The following AK6 variants were observed in gnomAD, a reference collection of about 807,000 sequenced individuals.
AK6 encodes the protein adenylate kinase isoenzyme 6.
AK6 carries 24 observed loss-of-function variants against 23.7 expected under a neutral mutation model. That is an observed-to-expected ratio of 1.01 (90% confidence interval 0.73 to 1.43). The LOEUF (loss-of-function observed/expected upper bound fraction) is 1.43. AK6 is among the 40% of genes most tolerant of loss of function. AK6 has a pLI of 0.00. For synonymous variants in AK6, 73 were observed against 69.8 expected (o/e 1.05, Z -0.23); for missense variants, 191 against 199.1 (o/e 0.96, Z 0.24).
rs371752500 is a variant in AK6 at position 69,355,944 on chromosome 5, T to C, written c.131A>G (p.Tyr44Cys). The C allele has an allele frequency of 6.9e-6, 11 of 1,605,068 alleles. No individual in the cohort carries two copies. Among genetic ancestry groups the C allele is most frequent in the Non-Finnish European group, 8.5e-6 (10 of 1,177,652 alleles). ...GTCATACTCTTCATCATAGCCATCA[T>C]ACAATTGCTCTAAAAGAGATTTAGA... ...VGDLAREEQL[Y>C]DGYDEEYDCP... Residue 44 changes from tyrosine to cysteine, a missense_variant, in exon 3 of 5, where the codon TAT (tyrosine) becomes TGT (cysteine). Transcript: ENST00000380822.
chr5:69,355,557 AAAC>A lies in AK6; in HGVS notation c.326+89_326+91del, dbSNP rs982931178. 22 of 1,357,930 alleles carry A rather than the reference AAAC, an allele frequency of 1.6e-5. No individual in the cohort carries two copies. In the African/African-American group the frequency reaches 2.4e-4, roughly 15 times the overall value. The allele number at this position is 1,357,930 out of a possible 1,614,324, so 84.1% of individuals were successfully genotyped here. On this transcript the variant is annotated intron_variant, in intron 4 of 4. Transcript: ENST00000380822. Reference sequence around the variant, plus strand: ...AAAACAAAACAAAACAAAACAAAACAAACAACAACAATCTTTTATCATGGCCAA... The same window carrying A: ...AAAACAAAACAAAACAAAACAAAACAAACAACAATCTTTTATCATGGCCAA...
chr5:69,360,919 A>G (rs987521600), intron 2 of AK6, among the ~76,000 whole-genome samples: 2 of 152,202 alleles, frequency 1.3e-5, no homozygotes, highest in African/African-American at 4.8e-5. Flanking sequence ...AAGCCAAGCT[A>G]TGCTTTACAA....
chr5:69,363,924 C>T (rs1580316183), intron 2 of AK6, among the ~76,000 whole-genome samples: 1 of 151,842 alleles, frequency 6.6e-6, no homozygotes, highest in African/African-American at 2.4e-5. Context: ...CCCATCTCTA[C>T]TAAAAATATA....
chr5:69,363,053 C>G (rs1762283675), intron 2 of AK6, among the ~76,000 whole-genome samples: 1 of 151,954 alleles, frequency 6.6e-6, no homozygotes, highest in Non-Finnish European at 1.5e-5. Flanking sequence ...AAAGCCAGAC[C>G]CTGTCTCTGC....
intron 1 of AK6, chr5:69,367,985 T>G (rs539032576): frequency 6.6e-6 from 1 of 152,338 alleles, no homozygotes; most frequent in East Asian, 1.9e-4. Context: ...GCCAACATAA[T>G]GAGACTCTGT....
At chr5:69,353,979 C>T (rs1001206108) in intron 4 of AK6, among the ~76,000 whole-genome samples, 14 of 152,074 alleles carry the variant, frequency 9.2e-5, no homozygotes, top group African/African-American at 3.4e-4. Flanking sequence ...CTATGTTGCC[C>T]AGGCTGGTCT....
upstream of AK6, chr5:69,369,626 C>T (rs940166407): frequency 7.0e-6 from 11 of 1,570,408 alleles, no homozygotes; most frequent in African/African-American, 1.2e-4. Context: ...CCTAGCCTGC[C>T]CCGGCGGCCC....
chr5:69,353,576 G>A (rs144990775), intron 4 of AK6, among the ~76,000 whole-genome samples: 236 of 152,186 alleles, frequency 1.6e-3, no homozygotes, highest in African/African-American at 5.3e-3. Context: ...AATTACAGGC[G>A]TGAGCCACCG....
intron 2 of AK6, among the ~76,000 whole-genome samples, chr5:69,356,161 T>C (rs1202750453): frequency 6.6e-6 from 1 of 152,164 alleles, no homozygotes; most frequent in African/African-American, 2.4e-5. Flanking sequence ...AGAGGGAAAC[T>C]TGGATTGCAA....
chr5:69,364,146 T>A (rs910052994), intron 2 of AK6, among the ~76,000 whole-genome samples: 1 of 151,968 alleles, frequency 6.6e-6, no homozygotes, highest in African/African-American at 2.4e-5. Context: ...AATAAAAATC[T>A]AGGTTTTAGA....
intron 2 of AK6, chr5:69,365,693 A>G: frequency 6.3e-7 from 1 of 1,590,538 alleles, no homozygotes; most frequent in Non-Finnish European, 8.6e-7. Context: ...TCATCTGTGC[A>G]TCTTTCGGCA....
rs370259396 is a variant in AK6 at position 69,352,253 on chromosome 5, C to T, written c.327G>A (p.Arg109=). 59 of 1,604,336 alleles carry T rather than the reference C, an allele frequency of 3.7e-5. No homozygotes were observed. In the African/African-American group the frequency reaches 7.6e-4, roughly 21 times the overall value. The change falls in exon 5 of 5, where the codon AGG becomes AGA. Residue 109 remains arginine (R), a splice_region_variant and synonymous_variant. Coordinates refer to ENST00000380822, the MANE Select transcript of AK6 (RefSeq NM_016283.5). The part of the protein sequence containing the change: ...TNVLYERLET[R]GYNEKKLTDN... The stretch of plus-strand genomic sequence containing the variant: ...CTGTTAGTTTCTTCTCATTATAACC[C>T]CTAGAAGGCAGGGAGGTTAAGCAAA...
At position 69,365,821 on chromosome 5, in the gene AK6, T is replaced by C. The variant is rs1762397284; in HGVS notation, c.121+682A>G. On this transcript the variant is annotated intron_variant, in intron 2 of 4. Coordinates refer to ENST00000380822, the MANE Select transcript of AK6 (RefSeq NM_016283.5). ...GAAATAGTTACTTTAGTAGCAACTG[T>C]CAGGAACTTAAAAAAATTTTAAATC... The C allele has an allele frequency of 6.7e-6, 8 of 1,195,050 alleles. No individual in the cohort carries two copies. The South Asian group carries it at 1.7e-4, about 25-fold the overall frequency. 74.0% of individuals were successfully genotyped at this position (1,195,050 alleles called of 1,614,324 possible).
chr5:69,367,242 G>C (rs1232832081), intron 1 of AK6, among the ~76,000 whole-genome samples: 1 of 152,028 alleles, frequency 6.6e-6, no homozygotes, highest in Non-Finnish European at 1.5e-5. Context: ...GCTGGGCGCA[G>C]TGGCTCATGC....
intron 2 of AK6, among the ~76,000 whole-genome samples, chr5:69,358,033 T>C (rs1762126859): frequency 6.6e-6 from 1 of 152,166 alleles, no homozygotes; most frequent in South Asian, 2.1e-4. Flanking sequence ...GAATTCAAAG[T>C]TGTCCTTACT....
At chr5:69,366,392 T>C in intron 2 of AK6, 111 bp downstream of exon 2, 1 of 791,594 alleles carries the variant, frequency 1.3e-6, no homozygotes. Context: ...TATATATTCT[T>C]TAATGGCAAT....
chr5:69,369,330 G>T, intron 1 of AK6, 133 bp downstream of exon 1: 1 of 893,306 alleles, frequency 1.1e-6, no homozygotes, highest in Non-Finnish European at 1.5e-6. Context: ...CCGGGGCGCT[G>T]ACAACCGCCT....
At chr5:69,369,411 T>C (rs540560801) in intron 1 of AK6, 52 bp downstream of exon 1, 16 of 1,597,788 alleles carry the variant, frequency 1.0e-5, no homozygotes, top group Admixed American at 1.7e-5. Flanking sequence ...CCCAGAGCAC[T>C]CTGCGCCCCC....
chr5:69,365,435 T>C, intron 2 of AK6: 1 of 1,614,234 alleles, frequency 6.2e-7, no homozygotes. Context: ...GCAAAGGGGT[T>C]TGATTTCTTT....
Sources: gnomAD v4.1 joint callset for allele counts (sites outside exome capture counted in the v4.1 genomes callset) on GRCh38, gnomAD v4.1.1 for gene constraint, MANE v1.5 for transcripts, NCBI Gene and HGNC (gene_info 2026-07-23, HGNC 2026-07-21) for gene names.